Variants in PRKCZ observed in about 807,000 individuals in gnomAD.
PRKCZ encodes the protein protein kinase C zeta, also known as protein kinase C zeta type.
In PRKCZ, 33 loss-of-function variants were observed where a neutral mutation model predicts 79.5. The observed-to-expected ratio is 0.41, with a 90% CI of 0.31 to 0.55. PRKCZ has a LOEUF of 0.55. Ranked by LOEUF, PRKCZ falls within the 20% of genes least tolerant of loss-of-function variation. The probability of loss-of-function intolerance (pLI) is 0.19; values close to 1 mark genes in which losing one functional copy is unlikely to be tolerated. For synonymous variants in PRKCZ, 342 were observed against 320.9 expected (o/e 1.07, Z -0.70); for missense variants, 578 against 813.5 (o/e 0.71, Z 3.52).
Position 2,173,795 on chromosome 1 carries a change from T to C in PRKCZ, c.1286-102T>C. ...TGTGTGCCGCCTGCTCAAGCCTGGC[T>C]CACACTCGTGTCAACTGGGCATGAA... On this transcript the variant is annotated intron_variant, in intron 13 of 17. Transcript: ENST00000378567. This position sits in a 1 kb window ranked among gnomAD's most constrained non-coding sequence, Gnocchi z 5.7. 1 of 1,472,662 alleles carries C rather than the reference T, an allele frequency of 6.8e-7. No homozygotes were observed. Among genetic ancestry groups the C allele is most frequent in the Non-Finnish European group, 9.0e-7 (1 of 1,105,054 alleles). 91.2% of individuals were successfully genotyped at this position (1,472,662 alleles called of 1,614,324 possible). A position where few individuals can be genotyped will look rare whatever the true frequency, so the allele number is the denominator to read the frequency against.
At chr1:2,141,363 T>G (rs1309991598) in intron 5 of PRKCZ, 1 of 95,170 alleles carries the variant, frequency 1.1e-5, no homozygotes, top group Non-Finnish European at 2.1e-5. Context: ...TTTTTTTTTT[T>G]GAGACACAGT....
In PRKCZ at chr1:2,155,121, CAAT is replaced by C. The variant is rs571041006; in HGVS notation, c.877-873_877-871del. Among the ~76,000 whole-genome samples, 178 of 151,506 alleles carry C rather than the reference CAAT, an allele frequency of 1.2e-3. 1 individual carries two copies. Among genetic ancestry groups the C allele is most frequent in the African/African-American group, 4.1e-3 (168 of 41,190 alleles). On this transcript the variant is annotated intron_variant, in intron 9 of 17. Coordinates refer to ENST00000378567, the MANE Select transcript of PRKCZ (RefSeq NM_002744.6). ...AAGATGATGGTGATGATGATGGTGA[CAAT>C]GATGGTGACGATGATGGTGATGATG...
At chr1:2,054,166 G>A (rs761579343) in intron 1 of PRKCZ, among the ~76,000 whole-genome samples, 51 of 152,244 alleles carry the variant, frequency 3.3e-4, no homozygotes, top group Admixed American at 5.2e-4. Context: ...ACCTTGATGG[G>A]GAGCCAGCAG....
At chr1:2,058,726 T>A (rs941145691) in intron 3 of PRKCZ, among the ~76,000 whole-genome samples, 4 of 150,358 alleles carry the variant, frequency 2.7e-5, no homozygotes, top group African/African-American at 7.3e-5. Context: ...TGAAACCCCA[T>A]CTCTACTATA....
chr1:2,104,839 G>A, intron 4 of PRKCZ: 1 of 985,862 alleles, frequency 1.0e-6, no homozygotes, highest in Middle Eastern at 5.2e-4. Flanking sequence ...GTGTTGCGGT[G>A]TGAGCGGGGA....
chr1:2,181,241 CCACT>C (rs1192503876), intron 16 of PRKCZ, among the ~76,000 whole-genome samples: 1 of 152,206 alleles, frequency 6.6e-6, no homozygotes, highest in Non-Finnish European at 1.5e-5. Flanking sequence ...AGGCACACAC[CCACT>C]ATGGGGCCTT....
At chr1:2,175,403 A>C (rs1173874598) in intron 16 of PRKCZ, 90 bp downstream of exon 16, 13 of 864,756 alleles carry the variant, frequency 1.5e-5, no homozygotes, top group African/African-American at 1.2e-4. Context: ...CCCAATATTC[A>C]CCCAACCCCC....
intron 1 of PRKCZ, among the ~76,000 whole-genome samples, chr1:2,051,721 C>A (rs28703783): frequency 0.28 from 43,238 of 151,954 alleles, 6,343 homozygotes; most frequent in Admixed American, 0.36. Flanking sequence ...CAGGACAGTG[C>A]CCCGGGGGTC....
chr1:2,169,791 CGGGGGCGGG>C (rs956117786), intron 11 of PRKCZ, among the ~76,000 whole-genome samples, 187 bp downstream of exon 11: 2 of 7,704 alleles, frequency 2.6e-4, no homozygotes, highest in African/African-American at 1.1e-3. Context: ...GGGGGTATGA[CGGGGGCGGG>C]GGGGGCGGGG....
intron 4 of PRKCZ, among the ~76,000 whole-genome samples, chr1:2,088,424 C>T (rs1212269756): frequency 1.3e-5 from 2 of 152,170 alleles, no homozygotes; most frequent in African/African-American, 4.8e-5. Flanking sequence ...TGGTTGCATC[C>T]TTAGGGCTGA....
intron 6 of PRKCZ, 151 bp downstream of exon 6, chr1:2,144,492 C>T (rs759069609): frequency 2.1e-5 from 31 of 1,447,966 alleles, no homozygotes; most frequent in South Asian, 5.7e-5. Flanking sequence ...GAGACTCAGG[C>T]GGCAGTCTTG....
Position 2,115,052 on chromosome 1 carries a change from CG to C in PRKCZ, c.335-20209del, listed in dbSNP as rs1670480431. On this transcript the variant is annotated intron_variant, in intron 4 of 17. Coordinates refer to ENST00000378567, the MANE Select transcript of PRKCZ (RefSeq NM_002744.6). ...TGGACGCGGGGCCACCCCCACACCC[CG>C]AGGTGACCCCAGGCGTAACCTACCC... Among the ~76,000 whole-genome samples the C allele has an allele frequency of 4.6e-5, 7 of 152,392 alleles. No homozygotes were observed. The South Asian group carries it at 1.2e-3, about 27-fold the overall frequency.
Position 2,131,695 on chromosome 1 carries a change from C to G in PRKCZ, c.335-3567C>G, listed in dbSNP as rs372756416. Among the ~76,000 whole-genome samples, 11 of 152,336 alleles carry G rather than the reference C, an allele frequency of 7.2e-5. No individual in the cohort carries two copies. In the East Asian group the frequency reaches 1.9e-3, roughly 27 times the overall value. ...GCAGGACTTAAGCCCCACCCAACTG[C>G]AGGCTGTCCCCCGCCGCTGCTAGCC... On this transcript the variant is annotated intron_variant, in intron 4 of 17. Transcript: ENST00000378567.
At position 2,075,588 on chromosome 1, in the gene PRKCZ, G is replaced by A. The variant is rs1220325291; in HGVS notation, c.334+15997G>A. Among the ~76,000 whole-genome samples the A allele has an allele frequency of 6.6e-6, 1 of 152,218 alleles. No individual in the cohort carries two copies. The highest frequency in any genetic ancestry group is 1.5e-5 in the Non-Finnish European group (1 of 68,032). ...GTCTTCCTAGACTTCAGAGCCACTG[G>A]TGGTTATGTAAGGAGTTGTGTGTTC... On this transcript the variant is annotated intron_variant, in intron 4 of 17. Transcript: ENST00000378567. This position sits in a 1 kb window ranked among gnomAD's most constrained non-coding sequence, Gnocchi z 4.8.
chr1:2,179,644 G>T (rs1686153998), intron 16 of PRKCZ, among the ~76,000 whole-genome samples: 1 of 152,236 alleles, frequency 6.6e-6, no homozygotes, highest in Non-Finnish European at 1.5e-5. Context: ...ACGTTTGCGT[G>T]GTGACAGCCG....
At chr1:2,181,723 T>C (rs1175730975) in intron 16 of PRKCZ, 1 of 439,954 alleles carries the variant, frequency 2.3e-6, no homozygotes. Flanking sequence ...TCCAGCTGGG[T>C]CCTGCTCTGT....
At chr1:2,169,235 C>T (rs1384136001) in intron 10 of PRKCZ, 1 of 498,794 alleles carries the variant, frequency 2.0e-6, no homozygotes, top group Admixed American at 2.3e-5. Context: ...CTCCTTCATT[C>T]CGGGGCCCAC....
chr1:2,184,442 C>T (rs1032319092), intron 16 of PRKCZ, 141 bp from the exon 17 acceptor site: 5 of 616,770 alleles, frequency 8.1e-6, no homozygotes, highest in Admixed American at 3.2e-5. Flanking sequence ...TAAGAAAAAA[C>T]ACTTGGCAGT....
At chr1:2,139,584 G>C (rs964546160) in intron 5 of PRKCZ, among the ~76,000 whole-genome samples, 1 of 152,128 alleles carries the variant, frequency 6.6e-6, no homozygotes. Context: ...GCAGGACTCT[G>C]TCTCAAAACA....
Sources: allele counts gnomAD v4.1 joint callset (sites outside exome capture counted in the v4.1 genomes callset), GRCh38; gene constraint gnomAD v4.1.1; non-coding constraint Gnocchi (gnomAD v3.1); transcripts MANE v1.5; gene names NCBI Gene and HGNC (gene_info 2026-07-23, HGNC 2026-07-21).